EXOC4: variants seen among roughly 807,000 people sequenced by gnomAD.
The protein encoded by EXOC4 is SEC8-like 1.
In EXOC4, 71 loss-of-function variants were observed where a neutral mutation model predicts 107.2. The observed-to-expected ratio is 0.66, with a 90% CI of 0.55 to 0.81. The LOEUF is 0.81. Ranked by LOEUF, EXOC4 falls within the 30% of genes least tolerant of loss-of-function variation. The pLI is 0.00. For missense variants in EXOC4, 1,108 were observed against 1,189.6 expected, an observed-to-expected ratio of 0.93 and a Z score of 1.01; for synonymous variants, 456 against 441.2, an observed-to-expected ratio of 1.03 and a Z score of -0.42.
intron 14 of EXOC4, among the ~76,000 whole-genome samples, chr7:133,993,923 A>T (rs771199591): frequency 2.0e-5 from 3 of 152,248 alleles, no homozygotes; most frequent in Non-Finnish European, 4.4e-5. Context: ...TCTAGCAACA[A>T]ATAGGGCTGA....
chr7:133,924,096 A>G (rs1412835701), intron 13 of EXOC4, among the ~76,000 whole-genome samples: 1 of 152,076 alleles, frequency 6.6e-6, no homozygotes, highest in Admixed American at 6.5e-5. Context: ...AGGTCAGGCC[A>G]CAAGGCTCCA....
At chr7:133,858,252 A>C (rs1798460832) in intron 11 of EXOC4, among the ~76,000 whole-genome samples, 1 of 152,182 alleles carries the variant, frequency 6.6e-6, no homozygotes, top group African/African-American at 2.4e-5. Context: ...AGTTTTATTG[A>C]GCCACAGAAC....
At chr7:133,519,198 T>C (rs1799936412) in intron 9 of EXOC4, among the ~76,000 whole-genome samples, 1 of 152,076 alleles carries the variant, frequency 6.6e-6, no homozygotes, top group African/African-American at 2.4e-5. Flanking sequence ...GTCAATTGCT[T>C]GATTCCAGGA....
intron 10 of EXOC4, among the ~76,000 whole-genome samples, chr7:133,703,914 T>C (rs1370664440): frequency 6.6e-6 from 1 of 152,234 alleles, no homozygotes; most frequent in Non-Finnish European, 1.5e-5. Context: ...GCAGATGCTT[T>C]CTCACTGTAT....
In EXOC4 at chr7:133,649,475, T is replaced by C. The variant is rs1257821693; in HGVS notation, c.1514+19334T>C. Among the ~76,000 whole-genome samples, 357 of 115,632 alleles carry C rather than the reference T, an allele frequency of 3.1e-3. 6 individuals carry two copies. The highest frequency in any genetic ancestry group is 9.8e-3 in the African/African-American group (331 of 33,636). 75.9% of individuals were successfully genotyped at this position (115,632 alleles called of 152,430 possible). A position where few individuals can be genotyped will look rare whatever the true frequency, so the allele number is the denominator to read the frequency against. Reference sequence around the variant, plus strand: ...AAGCATTACTACTTTTTCTTTTTTTTTTTTTTTTTTAACCAGTAAAGATTA... The same window carrying C: ...AAGCATTACTACTTTTTCTTTTTTTCTTTTTTTTTTAACCAGTAAAGATTA... On this transcript the variant is annotated intron_variant, in intron 10 of 17. Coordinates refer to ENST00000253861, the MANE Select transcript of EXOC4 (RefSeq NM_021807.4).
At chr7:133,617,130 A>G (rs1473173422) in intron 9 of EXOC4, among the ~76,000 whole-genome samples, 1 of 152,184 alleles carries the variant, frequency 6.6e-6, no homozygotes, top group Non-Finnish European at 1.5e-5. Flanking sequence ...CACTATATCA[A>G]GTTAACCGAT....
chr7:133,644,255 T>C (rs944520197), intron 10 of EXOC4, among the ~76,000 whole-genome samples: 1 of 152,204 alleles, frequency 6.6e-6, no homozygotes, highest in Non-Finnish European at 1.5e-5. Context: ...TCTACAGAAG[T>C]CAGACTATTC....
At chr7:133,653,307 T>A (rs1051250607) in intron 10 of EXOC4, among the ~76,000 whole-genome samples, 4 of 152,214 alleles carry the variant, frequency 2.6e-5, no homozygotes, top group Admixed American at 2.6e-4. Context: ...ACTGGCTTTT[T>A]CGCCCTAAAG....
chr7:133,523,528 G>T (rs1800020728), intron 9 of EXOC4, among the ~76,000 whole-genome samples: 1 of 151,230 alleles, frequency 6.6e-6, no homozygotes, highest in South Asian at 2.1e-4. Context: ...TGCCATGCTG[G>T]TGCGCTGCAC....
intron 10 of EXOC4, among the ~76,000 whole-genome samples, chr7:133,641,634 C>T (rs541673227): frequency 6.6e-6 from 1 of 152,282 alleles, no homozygotes; most frequent in East Asian, 1.9e-4. Flanking sequence ...TTGCCAACCA[C>T]CTGAAGCTCT....
intron 11 of EXOC4, among the ~76,000 whole-genome samples, chr7:133,826,701 A>G (rs568787196): frequency 2.6e-5 from 4 of 152,298 alleles, no homozygotes; most frequent in African/African-American, 7.2e-5. Flanking sequence ...ACCTACATGA[A>G]TAAAAATATT....
chr7:133,337,082 T>G (rs1795534811), intron 5 of EXOC4, among the ~76,000 whole-genome samples: 1 of 152,182 alleles, frequency 6.6e-6, no homozygotes. Context: ...GATTTCTTAG[T>G]ATTTAGACAA....
At chr7:133,276,890 G>C (rs1265234532) in intron 2 of EXOC4, among the ~76,000 whole-genome samples, 1 of 152,024 alleles carries the variant, frequency 6.6e-6, no homozygotes, top group Non-Finnish European at 1.5e-5. Context: ...TAAGAGTTTA[G>C]TTCCAGAATC....
chr7:133,355,702 T>C (rs1796006466), intron 5 of EXOC4, among the ~76,000 whole-genome samples: 1 of 151,492 alleles, frequency 6.6e-6, no homozygotes, highest in Non-Finnish European at 1.5e-5. Context: ...TAGCAAGATC[T>C]GTCTCCTATA....
At chr7:133,754,223 A>G (rs1400912772) in intron 10 of EXOC4, among the ~76,000 whole-genome samples, 6 of 152,162 alleles carry the variant, frequency 3.9e-5, no homozygotes, top group South Asian at 2.1e-4. Flanking sequence ...TGATCCCCCA[A>G]TTCTGCCCTG....
At chr7:134,029,153 A>G (rs1795210954) in intron 17 of EXOC4, among the ~76,000 whole-genome samples, 1 of 152,200 alleles carries the variant, frequency 6.6e-6, no homozygotes, top group African/African-American at 2.4e-5. Context: ...TATCCAAAAC[A>G]TTCTAATGTC....
intron 11 of EXOC4, among the ~76,000 whole-genome samples, chr7:133,887,378 CAA>C (rs1313883260): frequency 6.6e-6 from 1 of 152,100 alleles, no homozygotes; most frequent in Non-Finnish European, 1.5e-5. Flanking sequence ...AGATTATAAA[CAA>C]CTGAGGGAAG....
chr7:133,440,763 AGGAAGTTACCCTATGT>A (rs1318269233), intron 7 of EXOC4, among the ~76,000 whole-genome samples: 1 of 152,226 alleles, frequency 6.6e-6, no homozygotes, highest in African/African-American at 2.4e-5. Context: ...ACTTCCATAG[AGGAAGTTACCCTATGT>A]GGAAGTTACC....
At chr7:134,069,632 G>T (rs1011106875), downstream of EXOC4, among the ~76,000 whole-genome samples, 5 of 152,142 alleles carry the variant, frequency 3.3e-5, no homozygotes, top group African/African-American at 1.2e-4. Context: ...CAAGTAGCTG[G>T]AACTACAGAC....
Sources: gnomAD v4.1 joint callset for allele counts (sites outside exome capture counted in the v4.1 genomes callset) on GRCh38, gnomAD v4.1.1 for gene constraint, MANE v1.5 for transcripts, NCBI Gene and HGNC (gene_info 2026-07-23, HGNC 2026-07-21) for gene names.